The following MAML2 variants were observed in gnomAD, a reference collection of about 807,000 sequenced individuals.
The protein encoded by MAML2 is mastermind-like protein 2.
MAML2 carries 22 observed loss-of-function variants against 96.1 expected under a neutral mutation model. That is an observed-to-expected ratio of 0.23 (90% CI 0.16 to 0.33). The LOEUF is 0.33. Ranked by LOEUF, MAML2 falls within the 10% of genes least tolerant of loss-of-function variation. The pLI is 1.00. For synonymous variants in MAML2, 561 were observed against 521.3 expected (o/e 1.08, Z -1.04); for missense variants, 1,367 against 1,392.4 (o/e 0.98, Z 0.29).
At chr11:96,094,308 T>C (rs1326972210) in intron 1 of MAML2, among the ~76,000 whole-genome samples, 1 of 152,186 alleles carries the variant, frequency 6.6e-6, no homozygotes, top group Non-Finnish European at 1.5e-5. Context: ...TGAGCTCAAG[T>C]GCCAATTCTG....
intron 1 of MAML2, among the ~76,000 whole-genome samples, chr11:96,329,649 T>C (rs1282575398): frequency 2.6e-5 from 4 of 152,166 alleles, no homozygotes; most frequent in Admixed American, 6.5e-5. Flanking sequence ...CCCTACTAGG[T>C]AGTATCAGAG....
At chr11:96,126,600 T>G (rs1055873737) in intron 1 of MAML2, among the ~76,000 whole-genome samples, 2 of 152,074 alleles carry the variant, frequency 1.3e-5, no homozygotes. Flanking sequence ...AAGCAAGTAC[T>G]GTATCCGGAT....
At chr11:96,200,403 C>G (rs1861802518) in intron 1 of MAML2, among the ~76,000 whole-genome samples, 1 of 152,198 alleles carries the variant, frequency 6.6e-6, no homozygotes, top group African/African-American at 2.4e-5. Flanking sequence ...CACAATTCTT[C>G]TAACAAGCTA....
intron 2 of MAML2, among the ~76,000 whole-genome samples, chr11:96,069,411 C>A (rs148188160): frequency 6.6e-6 from 1 of 152,148 alleles, no homozygotes; most frequent in Non-Finnish European, 1.5e-5. Flanking sequence ...AGGTGGCTCA[C>A]GCCTGTAATC....
At chr11:96,068,918 T>C in intron 2 of MAML2, among the ~76,000 whole-genome samples, 1 of 141,230 alleles carries the variant, frequency 7.1e-6, no homozygotes, top group South Asian at 2.2e-4. Flanking sequence ...TTCCCTCCTT[T>C]TTTTTTTTTT....
chr11:96,206,232 G>A (rs2135934732), intron 1 of MAML2, among the ~76,000 whole-genome samples: 1 of 152,260 alleles, frequency 6.6e-6, no homozygotes, highest in Admixed American at 6.5e-5. Flanking sequence ...ATGAATATTT[G>A]GGGTGAGTAT....
chr11:96,323,917 G>C (rs1029837462), intron 1 of MAML2, among the ~76,000 whole-genome samples: 1 of 152,226 alleles, frequency 6.6e-6, no homozygotes, highest in Non-Finnish European at 1.5e-5. Context: ...TAGGCTCTAC[G>C]TGTTCAAGCA....
intron 1 of MAML2, among the ~76,000 whole-genome samples, chr11:96,302,616 C>T (rs1863403747): frequency 6.6e-6 from 1 of 152,200 alleles, no homozygotes; most frequent in Non-Finnish European, 1.5e-5. Context: ...GGATTTTCCA[C>T]TTCTTGCTAT....
intron 1 of MAML2, among the ~76,000 whole-genome samples, chr11:96,112,569 C>T (rs1482649905): frequency 1.3e-5 from 2 of 152,228 alleles, no homozygotes; most frequent in Non-Finnish European, 2.9e-5. Context: ...CTACGAAGTA[C>T]TAACAGGATA....
chr11:95,991,835 A>T lies in MAML2; in HGVS notation c.2140-112T>A, dbSNP rs982995437. 4 of 802,964 alleles carry T rather than the reference A, an allele frequency of 5.0e-6. No individual in the cohort carries two copies. The African/African-American group carries it at 6.9e-5, about 14-fold the overall frequency. The allele number at this position is 802,964 out of a possible 1,614,324, so 49.7% of individuals were successfully genotyped here. A position where few individuals can be genotyped will look rare whatever the true frequency, so the allele number is the denominator to read the frequency against. The stretch of plus-strand genomic sequence containing the variant: ...CATTTTTCATCTTATTAAAGATCAA[A>T]CATGGTTAAATGGGTTGGAGATCAG... On this transcript the variant is annotated intron_variant, in intron 2 of 4. Coordinates refer to ENST00000524717, the MANE Select transcript of MAML2 (RefSeq NM_032427.4).
In MAML2 at chr11:96,256,646, G is replaced by A. The variant is rs184299420; in HGVS notation, c.513+84737C>T. Among the ~76,000 whole-genome samples the A allele has an allele frequency of 2.6e-5, 4 of 152,312 alleles. No individual in the cohort carries two copies. In the East Asian group the frequency reaches 7.7e-4, roughly 29 times the overall value. ...TTCCCATGTTACATGGTAAGTTCATGAGGTTAGGAACTGTGTTTCTGGTTG... is the reference window on the plus strand; with the variant it reads ...TTCCCATGTTACATGGTAAGTTCATAAGGTTAGGAACTGTGTTTCTGGTTG... On this transcript the variant is annotated intron_variant, in intron 1 of 4. Coordinates refer to ENST00000524717, the MANE Select transcript of MAML2 (RefSeq NM_032427.4).
intron 2 of MAML2, among the ~76,000 whole-genome samples, chr11:96,081,208 AC>A (rs1565208106): frequency 6.6e-6 from 1 of 152,076 alleles, no homozygotes; most frequent in Non-Finnish European, 1.5e-5. Flanking sequence ...TCTTCCGAAA[AC>A]ATTATACCTA....
At chr11:96,098,722 C>T (rs764765530) in intron 1 of MAML2, among the ~76,000 whole-genome samples, 4 of 152,160 alleles carry the variant, frequency 2.6e-5, no homozygotes, top group South Asian at 2.1e-4. Context: ...TAGGCCTGTC[C>T]GGGGCAGGGT....
chr11:96,264,676 C>A (rs892685), intron 1 of MAML2, among the ~76,000 whole-genome samples: 68,088 of 152,012 alleles, frequency 0.45, 15,860 homozygotes, highest in East Asian at 0.68. Flanking sequence ...AAGCTAATAA[C>A]GGAGGGTCCA....
chr11:96,333,683 T>C (rs1002246148), intron 1 of MAML2, among the ~76,000 whole-genome samples: 2 of 152,238 alleles, frequency 1.3e-5, no homozygotes, highest in Non-Finnish European at 2.9e-5. Context: ...CTGTGTTGCC[T>C]ATTCATCTGC....
intron 1 of MAML2, among the ~76,000 whole-genome samples, chr11:96,197,105 G>C (rs946937263): frequency 5.3e-5 from 8 of 152,112 alleles, no homozygotes; most frequent in Admixed American, 3.3e-4. Context: ...CTAAGGTCTG[G>C]GAGGCCAAAG....
chr11:96,026,101 C>T (rs959566247), intron 2 of MAML2, among the ~76,000 whole-genome samples: 1 of 152,184 alleles, frequency 6.6e-6, no homozygotes, highest in African/African-American at 2.4e-5. Flanking sequence ...GGTTGAGTAA[C>T]TAGCCCCAGT....
chr11:96,058,785 C>T (rs1859108407), intron 2 of MAML2, among the ~76,000 whole-genome samples: 1 of 152,248 alleles, frequency 6.6e-6, no homozygotes, highest in South Asian at 2.1e-4. Context: ...CTTCTACTTA[C>T]AGTGCAACCT....
chr11:96,327,446 G>A (rs1863800610), intron 1 of MAML2, among the ~76,000 whole-genome samples: 1 of 151,846 alleles, frequency 6.6e-6, no homozygotes, highest in Admixed American at 6.6e-5. Context: ...TTTATTTTTT[G>A]AGACAGAGTC....
Sources: gnomAD v4.1 joint callset for allele counts (sites outside exome capture counted in the v4.1 genomes callset) on GRCh38, gnomAD v4.1.1 for gene constraint, MANE v1.5 for transcripts, NCBI Gene and HGNC (gene_info 2026-07-23, HGNC 2026-07-21) for gene names.